The following SAMD12 variants were observed in gnomAD, a reference collection of about 807,000 sequenced individuals.
SAMD12 encodes the protein sterile alpha motif domain-containing protein 12.
SAMD12 carries 9 observed loss-of-function variants against 15.0 expected under a neutral mutation model. That is an observed-to-expected ratio of 0.60 (90% CI 0.36 to 1.05). The LOEUF is 1.05. Ranked by LOEUF, SAMD12 falls within the 50% of genes least tolerant of loss-of-function variation. SAMD12 has a pLI of 0.01. For missense variants in SAMD12, 230 were observed against 234.2 expected, an observed-to-expected ratio of 0.98 and a Z score of 0.12; for synonymous variants, 86 against 90.1, an observed-to-expected ratio of 0.96 and a Z score of 0.25.
the SAMD12 span, among the ~76,000 whole-genome samples, chr8:118,181,763 A>C: frequency 6.6e-6 from 1 of 152,220 alleles, no homozygotes; most frequent in Non-Finnish European, 1.5e-5. Context: ...GTTGGGCTTT[A>C]GTCACTAGCA....
chr8:118,595,664 GTTC>G (rs1460827243), intron 1 of SAMD12, among the ~76,000 whole-genome samples: 1 of 152,204 alleles, frequency 6.6e-6, no homozygotes, highest in Non-Finnish European at 1.5e-5. Flanking sequence ...CCTCAGCTGA[GTTC>G]TTCTGCTTTG....
downstream of SAMD12, among the ~76,000 whole-genome samples, chr8:118,187,076 T>A (rs1819255531): frequency 6.6e-6 from 1 of 152,216 alleles, no homozygotes; most frequent in South Asian, 2.1e-4. Context: ...TGGGTTACAC[T>A]ACTAAAAGGA....
chr8:118,320,215 A>G (rs1226144532), intron 4 of SAMD12, among the ~76,000 whole-genome samples: 1 of 152,224 alleles, frequency 6.6e-6, no homozygotes, highest in East Asian at 1.9e-4. Flanking sequence ...TAGAATGGCT[A>G]TCTTGTGAAA....
At chr8:118,391,031 T>A (rs967626883) in intron 3 of SAMD12, among the ~76,000 whole-genome samples, 1 of 152,178 alleles carries the variant, frequency 6.6e-6, no homozygotes, top group Non-Finnish European at 1.5e-5. Flanking sequence ...TGCATTGTTT[T>A]TAGCTCTCCG....
At chr8:118,481,771 T>G (rs1407688196) in intron 2 of SAMD12, among the ~76,000 whole-genome samples, 1 of 148,736 alleles carries the variant, frequency 6.7e-6, no homozygotes, top group African/African-American at 2.5e-5. Flanking sequence ...CAAAAAAGAG[T>G]TCCATTAAAT....
chr8:118,515,830 G>C (rs1825228370), intron 2 of SAMD12, among the ~76,000 whole-genome samples: 1 of 152,156 alleles, frequency 6.6e-6, no homozygotes, highest in African/African-American at 2.4e-5. Flanking sequence ...AACTGGCATG[G>C]TACTTTGAAT....
At position 118,338,878 on chromosome 8, in the gene SAMD12, G is replaced by T. The variant is rs115799739; in HGVS notation, c.433+40682C>A. On this transcript the variant is annotated intron_variant, in intron 4 of 4. Transcript: ENST00000409003. Reference sequence around the variant, plus strand: ...GAAATCTTCCAAAACCCAAATGAATGTTAATCAACACTCCGTAAAATGTTG... The same window carrying T: ...GAAATCTTCCAAAACCCAAATGAATTTTAATCAACACTCCGTAAAATGTTG... 5.9e-3 allele frequency among the ~76,000 whole-genome samples: 896 copies of T among 152,168 alleles called. 12 individuals carry two copies. The highest frequency in any genetic ancestry group is 0.02 in the African/African-American group (822 of 41,506).
chr8:118,522,691 A>T (rs570153425), intron 2 of SAMD12, among the ~76,000 whole-genome samples: 1 of 152,218 alleles, frequency 6.6e-6, no homozygotes. Context: ...AAACAAATGT[A>T]TCATCAAGTA....
At chr8:118,531,940 C>T (rs994713786) in intron 2 of SAMD12, among the ~76,000 whole-genome samples, 3 of 152,124 alleles carry the variant, frequency 2.0e-5, no homozygotes, top group East Asian at 3.9e-4. Context: ...GCCTGATTGC[C>T]CTGGCCAGAA....
chr8:118,595,645 G>T (rs1391522062), intron 1 of SAMD12, among the ~76,000 whole-genome samples: 1 of 152,196 alleles, frequency 6.6e-6, no homozygotes, highest in Non-Finnish European at 1.5e-5. Flanking sequence ...CTAAGTTCAT[G>T]TTTCCAAACC....
chr8:118,326,951 A>G (rs1034161535), intron 4 of SAMD12, among the ~76,000 whole-genome samples: 2 of 152,232 alleles, frequency 1.3e-5, no homozygotes, highest in African/African-American at 4.8e-5. Flanking sequence ...CAAGTCAACA[A>G]TGAAAGCAAC....
chr8:118,339,872 A>G (rs1251645117), intron 4 of SAMD12, among the ~76,000 whole-genome samples: 1 of 152,220 alleles, frequency 6.6e-6, no homozygotes, highest in African/African-American at 2.4e-5. Flanking sequence ...ATGGGTGTGA[A>G]CAGAGGCCAA....
intron 4 of SAMD12, among the ~76,000 whole-genome samples, chr8:118,212,854 T>C (rs1386399248): frequency 6.6e-6 from 1 of 152,198 alleles, no homozygotes; most frequent in East Asian, 1.9e-4. Context: ...CTTCCTAGAT[T>C]GTAAAAGGTA....
chr8:118,209,551 GC>G (rs1300413590), intron 4 of SAMD12, among the ~76,000 whole-genome samples: 2 of 152,114 alleles, frequency 1.3e-5, no homozygotes, highest in Non-Finnish European at 1.5e-5. Flanking sequence ...AATCCACTTG[GC>G]ATGAGTCTCA....
intron 1 of SAMD12, among the ~76,000 whole-genome samples, chr8:118,619,236 G>A (rs1828326398): frequency 6.6e-6 from 1 of 151,998 alleles, no homozygotes; most frequent in African/African-American, 2.4e-5. Flanking sequence ...TGAAGAGAAG[G>A]GCACTTCGAG....
At chr8:118,305,364 T>C (rs990688862) in intron 4 of SAMD12, among the ~76,000 whole-genome samples, 1 of 152,124 alleles carries the variant, frequency 6.6e-6, no homozygotes. Context: ...CTAACCTAGG[T>C]ACCTCATATA....
the SAMD12 span, among the ~76,000 whole-genome samples, chr8:118,174,629 C>A: frequency 7.2e-5 from 11 of 152,070 alleles, no homozygotes; most frequent in East Asian, 1.9e-3. Flanking sequence ...TAAAGAAATA[C>A]AAAATTTCAG....
chr8:118,281,384 T>C (rs1459548306), intron 4 of SAMD12, among the ~76,000 whole-genome samples: 1 of 152,128 alleles, frequency 6.6e-6, no homozygotes, highest in Non-Finnish European at 1.5e-5. Flanking sequence ...TCCGAGGGCC[T>C]GGAATGCAGA....
intron 1 of SAMD12, among the ~76,000 whole-genome samples, chr8:118,586,017 C>A (rs1168820045): frequency 6.6e-6 from 1 of 152,178 alleles, no homozygotes; most frequent in Non-Finnish European, 1.5e-5. Context: ...GGGATGGAGA[C>A]TTATTAAATT....
Sources: gnomAD v4.1 joint callset for allele counts (sites outside exome capture counted in the v4.1 genomes callset) on GRCh38, gnomAD v4.1.1 for gene constraint, MANE v1.5 for transcripts, NCBI Gene and HGNC (gene_info 2026-07-23, HGNC 2026-07-21) for gene names.